Variants in USH2A observed in about 807,000 individuals in gnomAD.
USH2A encodes usherin.
USH2A carries 443 observed loss-of-function variants against 538.9 expected under a neutral mutation model. The ratio of observed to expected loss-of-function variants is 0.82; its 90% CI spans 0.76 to 0.89. USH2A has a LOEUF of 0.89. USH2A is among the 40% of genes least tolerant of loss of function. The probability of loss-of-function intolerance (pLI) is 0.00; values close to 1 mark genes in which losing one functional copy is unlikely to be tolerated. For synonymous variants in USH2A, 2,413 were observed against 2,273.5 expected (o/e 1.06, Z -1.75); for missense variants, 6,633 against 6,324.8 (o/e 1.05, Z -1.65).
chr1:215,861,624 C>G (rs1032026130), intron 44 of USH2A, among the ~76,000 whole-genome samples: 1 of 152,068 alleles, frequency 6.6e-6, no homozygotes, highest in African/African-American at 2.4e-5. Flanking sequence ...TAAAAGAGAA[C>G]AAGTAGGCAC....
chr1:216,214,834 CAAT>C (rs1223321681), intron 15 of USH2A, among the ~76,000 whole-genome samples: 1 of 151,846 alleles, frequency 6.6e-6, no homozygotes, highest in African/African-American at 2.4e-5. Flanking sequence ...CACTATCAAA[CAAT>C]AAGTGGCTAA....
At chr1:216,307,188 G>A (rs2037333560) in intron 9 of USH2A, among the ~76,000 whole-genome samples, 1 of 152,102 alleles carries the variant, frequency 6.6e-6, no homozygotes, top group Non-Finnish European at 1.5e-5. Flanking sequence ...CCATCAGGTA[G>A]GGTCAGGGTT....
chr1:215,980,804 AT>A (rs1667735283), intron 35 of USH2A, among the ~76,000 whole-genome samples: 1 of 152,084 alleles, frequency 6.6e-6, no homozygotes, highest in Admixed American at 6.6e-5. Flanking sequence ...ACTCATTTTC[AT>A]TACTGTGTAG....
chr1:216,182,072 A>G (rs1333127464), intron 20 of USH2A, among the ~76,000 whole-genome samples: 2 of 152,082 alleles, frequency 1.3e-5, no homozygotes, highest in Non-Finnish European at 2.9e-5. Flanking sequence ...CTTTAAATTA[A>G]AAGGAGGGGG....
rs1661681111 is a variant in USH2A at position 215,782,832 on chromosome 1, A to T, written c.10491T>A (p.Asp3497Glu). 3 of 1,614,000 alleles carry T rather than the reference A, an allele frequency of 1.9e-6. No homozygotes were observed. The East Asian group carries it at 6.7e-5, about 36-fold the overall frequency. ...SKAVRARTKE[D>E]VPQGVSPPTW... ...TAGGGGGACTCACTCCTTGAGGCACATCTTCTTTTGTTCTGGCTCTCACAG... is the reference window on the plus strand; with the variant it reads ...TAGGGGGACTCACTCCTTGAGGCACTTCTTCTTTTGTTCTGGCTCTCACAG... The change falls in exon 53 of 72, where the codon GAT becomes GAA. Residue 3497 changes from aspartate (D) to glutamate (E), a missense_variant. By Grantham distance (45) the Asp-to-Glu change is conservative. Transcript: ENST00000307340.
chr1:216,140,971 T>C (rs1417815041), intron 21 of USH2A, among the ~76,000 whole-genome samples: 5 of 152,228 alleles, frequency 3.3e-5, no homozygotes, highest in African/African-American at 9.6e-5. Flanking sequence ...TATGTCTTTC[T>C]TCCACAGATG....
intron 13 of USH2A, among the ~76,000 whole-genome samples, chr1:216,237,753 T>A (rs1300856299): frequency 6.6e-6 from 1 of 152,218 alleles, no homozygotes; most frequent in East Asian, 1.9e-4. Context: ...TCTATTATCA[T>A]CTTTGTAATT....
At chr1:216,081,526 G>A (rs1235369783) in intron 26 of USH2A, among the ~76,000 whole-genome samples, 8 of 152,048 alleles carry the variant, frequency 5.3e-5, no homozygotes, top group Non-Finnish European at 2.9e-5. Flanking sequence ...TCAGTTGCAT[G>A]GGAAGTGTTA....
At chr1:216,117,273 T>C (rs1463944288) in intron 21 of USH2A, among the ~76,000 whole-genome samples, 1 of 152,126 alleles carries the variant, frequency 6.6e-6, no homozygotes, top group Admixed American at 6.5e-5. Context: ...GCAATATTTA[T>C]CTCCAAATAC....
chr1:215,683,813 A>G (rs1658324562), intron 61 of USH2A, among the ~76,000 whole-genome samples: 1 of 150,696 alleles, frequency 6.6e-6, no homozygotes, highest in East Asian at 2.0e-4. Context: ...CTTTATTGCC[A>G]TTATTTTGCT....
At chr1:216,180,313 T>C (rs985917605) in intron 20 of USH2A, among the ~76,000 whole-genome samples, 8 of 152,094 alleles carry the variant, frequency 5.3e-5, no homozygotes, top group African/African-American at 1.9e-4. Context: ...GAATAAAATG[T>C]CTATTTGAAT....
At chr1:215,945,954 C>CT (rs1235951086) in intron 37 of USH2A, among the ~76,000 whole-genome samples, 1 of 152,254 alleles carries the variant, frequency 6.6e-6, no homozygotes, top group East Asian at 1.9e-4. Flanking sequence ...CTATTTAACC[C>CT]TTTCAATCAC....
At chr1:216,047,416 G>A (rs1443192675) in intron 31 of USH2A, among the ~76,000 whole-genome samples, 2 of 152,126 alleles carry the variant, frequency 1.3e-5, no homozygotes, top group African/African-American at 4.8e-5. Flanking sequence ...GTCCTCAGCA[G>A]ATGCAATGAT....
At chr1:216,124,495 G>A (rs570946576) in intron 21 of USH2A, among the ~76,000 whole-genome samples, 5 of 152,050 alleles carry the variant, frequency 3.3e-5, no homozygotes, top group Non-Finnish European at 7.4e-5. Context: ...AAAAGGCGGA[G>A]GGAAACCCCT....
chr1:215,977,004 T>A (rs1486856643), intron 35 of USH2A, among the ~76,000 whole-genome samples: 6 of 151,746 alleles, frequency 4.0e-5, no homozygotes, highest in Non-Finnish European at 2.9e-5. Flanking sequence ...TTTTCTTTTT[T>A]TTCGGCGGGG....
At chr1:216,008,148 G>A (rs1255862581) in intron 32 of USH2A, among the ~76,000 whole-genome samples, 4 of 152,140 alleles carry the variant, frequency 2.6e-5, no homozygotes, top group African/African-American at 9.7e-5. Flanking sequence ...GTCACTGTCA[G>A]GCCTCTGAGC....
intron 11 of USH2A, among the ~76,000 whole-genome samples, chr1:216,278,865 A>T (rs2102591764): frequency 6.6e-6 from 1 of 152,320 alleles, no homozygotes; most frequent in Non-Finnish European, 1.5e-5. Flanking sequence ...ACTGCAGAAA[A>T]ATGGTACATT....
At chr1:215,716,710 T>C (rs1428836398) in intron 61 of USH2A, among the ~76,000 whole-genome samples, 1 of 152,242 alleles carries the variant, frequency 6.6e-6, no homozygotes, top group Non-Finnish European at 1.5e-5. Context: ...GTAATGTGAA[T>C]ATTTAATAAT....
At chr1:215,971,477 C>T (rs1023836495) in intron 35 of USH2A, among the ~76,000 whole-genome samples, 2 of 151,966 alleles carry the variant, frequency 1.3e-5, no homozygotes, top group African/African-American at 2.4e-5. Flanking sequence ...CCAAATAAGC[C>T]GGGTGTGGTG....
Sources: gnomAD v4.1 joint callset for allele counts (sites outside exome capture counted in the v4.1 genomes callset) on GRCh38, gnomAD v4.1.1 for gene constraint, MANE v1.5 for transcripts, NCBI Gene and HGNC (gene_info 2026-07-23, HGNC 2026-07-21) for gene names.